CNTN5: variants seen among roughly 807,000 people sequenced by gnomAD.
The protein encoded by CNTN5 is contactin 5, also known as contactin-5.
Under a neutral mutation model 129.1 loss-of-function variants are expected in CNTN5, and 77 were observed. That is an observed-to-expected ratio of 0.60 (90% CI 0.50 to 0.72). CNTN5 has a LOEUF of 0.72. Among genes scored for constraint, CNTN5 ranks in the 30% least tolerant of loss-of-function variants. The pLI is 0.00. For missense variants in CNTN5, 1,478 were observed against 1,328.8 expected (o/e 1.11, Z -1.75); for synonymous variants, 509 against 465.6 (o/e 1.09, Z -1.20).
chr11:99,529,843 A>T (rs2515375), intron 2 of CNTN5, among the ~76,000 whole-genome samples: 125,265 of 151,970 alleles, frequency 0.82, 52,489 homozygotes, highest in Middle Eastern at 0.9. Context: ...GAGTATGGAA[A>T]AGAAAAAATA....
Position 99,152,382 on chromosome 11 carries a change from A to T in CNTN5, c.-210+131112A>T, listed in dbSNP as rs141335023. The stretch of plus-strand genomic sequence containing the variant: ...TCTCCATTTAAATTTATAATATTCC[A>T]TTACCATTATATAACACCCTTCTTT... On this transcript the variant is annotated intron_variant, in intron 1 of 24. Coordinates refer to ENST00000524871, the MANE Select transcript of CNTN5 (RefSeq NM_014361.4). Among the ~76,000 whole-genome samples, 523 of 152,234 alleles carry T rather than the reference A, an allele frequency of 3.4e-3. 1 individual carries two copies. Among genetic ancestry groups the T allele is most frequent in the African/African-American group, 0.012 (506 of 41,546 alleles).
intron 13 of CNTN5, among the ~76,000 whole-genome samples, chr11:100,085,188 T>C (rs578243100): frequency 3.9e-5 from 6 of 152,134 alleles, no homozygotes; most frequent in African/African-American, 1.4e-4. Context: ...TTTTCTGGGA[T>C]ATGTGTCAAT....
intron 13 of CNTN5, among the ~76,000 whole-genome samples, chr11:100,184,791 T>C (rs7934785): frequency 0.66 from 99,900 of 152,046 alleles, 32,929 homozygotes; most frequent in East Asian, 0.78. Flanking sequence ...TATATAGGGA[T>C]CATTTACAAA....
chr11:99,174,690 A>C (rs1857689568), intron 1 of CNTN5, among the ~76,000 whole-genome samples: 1 of 152,168 alleles, frequency 6.6e-6, no homozygotes, highest in Non-Finnish European at 1.5e-5. Flanking sequence ...GTCACTATGC[A>C]AATGTTAGGC....
At chr11:99,635,086 G>A (rs1465653301) in intron 3 of CNTN5, among the ~76,000 whole-genome samples, 1 of 152,138 alleles carries the variant, frequency 6.6e-6, no homozygotes, top group African/African-American at 2.4e-5. Context: ...GAAATGGTGT[G>A]GGTTTGACTA....
chr11:99,682,116 TC>T (rs1256796989), intron 3 of CNTN5, among the ~76,000 whole-genome samples: 2 of 152,048 alleles, frequency 1.3e-5, no homozygotes, highest in African/African-American at 4.8e-5. Context: ...TTATGAATAA[TC>T]TATCATATAA....
chr11:99,834,941 G>A (rs1947256043), intron 4 of CNTN5, among the ~76,000 whole-genome samples: 1 of 152,180 alleles, frequency 6.6e-6, no homozygotes, highest in Non-Finnish European at 1.5e-5. Context: ...TTTTCCTAAT[G>A]TAAAGCTGAG....
intron 3 of CNTN5, among the ~76,000 whole-genome samples, chr11:99,612,042 A>C (rs1422036289): frequency 6.6e-6 from 1 of 152,202 alleles, no homozygotes; most frequent in Non-Finnish European, 1.5e-5. Flanking sequence ...CACAACCTTC[A>C]AAATAGATCA....
rs770811355 is a variant in CNTN5, at chr11:100,308,340, T to C, written c.2621-19T>C. 2 of 1,600,674 alleles carry C rather than the reference T, an allele frequency of 1.2e-6. No homozygotes were observed. Among genetic ancestry groups the C allele is most frequent in the South Asian group, 1.1e-5 (1 of 88,678 alleles). ...GGACATAAACTTTTTATAATTGTGG[T>C]TTATTTTCCTTCATACAGAACCCAG... On this transcript the variant is annotated intron_variant, in intron 20 of 24. Transcript: ENST00000524871.
chr11:99,304,783 C>A (rs1190223110), intron 1 of CNTN5, among the ~76,000 whole-genome samples: 2 of 152,160 alleles, frequency 1.3e-5, no homozygotes, highest in African/African-American at 4.8e-5. Context: ...TAACTTCACT[C>A]CTGAAGTATG....
At chr11:99,030,812 G>T (rs1207511690) in intron 1 of CNTN5, among the ~76,000 whole-genome samples, 1 of 125,322 alleles carries the variant, frequency 8.0e-6, no homozygotes, top group African/African-American at 3.1e-5. Flanking sequence ...ATGGAATCTC[G>T]CTCTGTCGCC....
chr11:99,224,240 A>ATT (rs1565416334), intron 1 of CNTN5, among the ~76,000 whole-genome samples: 1 of 152,100 alleles, frequency 6.6e-6, no homozygotes, highest in Non-Finnish European at 1.5e-5. Context: ...CTATATTTCT[A>ATT]TTTTTCTTTT....
intron 13 of CNTN5, among the ~76,000 whole-genome samples, chr11:100,080,307 C>G (rs1490960437): frequency 6.6e-6 from 1 of 151,982 alleles, no homozygotes; most frequent in Non-Finnish European, 1.5e-5. Context: ...AATAATTTTT[C>G]TTTTATGGGA....
chr11:99,944,050 G>GTTT (rs35289038), intron 7 of CNTN5, among the ~76,000 whole-genome samples: 1 of 150,102 alleles, frequency 6.7e-6, no homozygotes, highest in African/African-American at 2.4e-5. Flanking sequence ...ATTTAAAGTA[G>GTTT]TTTTTTTTTT....
At chr11:100,129,083 A>G (rs559641358) in intron 13 of CNTN5, among the ~76,000 whole-genome samples, 69 of 152,308 alleles carry the variant, frequency 4.5e-4, no homozygotes, top group African/African-American at 1.6e-3. Context: ...TTGTTGTGAT[A>G]TCCAAATAAC....
intron 6 of CNTN5, among the ~76,000 whole-genome samples, chr11:99,892,113 A>G (rs1949076597): frequency 6.6e-6 from 1 of 152,208 alleles, no homozygotes; most frequent in Non-Finnish European, 1.5e-5. Flanking sequence ...TGTTGGCCAC[A>G]TAAATATCTT....
intron 1 of CNTN5, among the ~76,000 whole-genome samples, chr11:99,274,582 T>G (rs370168074): frequency 6.6e-6 from 1 of 151,598 alleles, no homozygotes; most frequent in East Asian, 1.9e-4. Context: ...TTACTTTTTA[T>G]GCTTTCATAA....
intron 3 of CNTN5, among the ~76,000 whole-genome samples, chr11:99,643,901 G>A (rs1951857690): frequency 1.3e-5 from 2 of 151,934 alleles, no homozygotes; most frequent in Admixed American, 6.6e-5. Flanking sequence ...AACAATATAT[G>A]TGGCTTTAAC....
At chr11:99,740,075 T>C (rs1271493917) in intron 3 of CNTN5, among the ~76,000 whole-genome samples, 1 of 152,186 alleles carries the variant, frequency 6.6e-6, no homozygotes, top group Non-Finnish European at 1.5e-5. Context: ...ATTTTAACAG[T>C]ATAATTAGTT....
Sources: gnomAD v4.1 joint callset for allele counts (sites outside exome capture counted in the v4.1 genomes callset) on GRCh38, gnomAD v4.1.1 for gene constraint, MANE v1.5 for transcripts, NCBI Gene and HGNC (gene_info 2026-07-23, HGNC 2026-07-21) for gene names.